Variants in RANBP2 observed in about 807,000 individuals in gnomAD.
The protein encoded by RANBP2 is RAN binding protein 2.
In RANBP2, 57 loss-of-function variants were observed where a neutral mutation model predicts 303.6. That is an observed-to-expected ratio of 0.19 (90% CI 0.15 to 0.23). The LOEUF is 0.23. Ranked by LOEUF, RANBP2 falls within the 10% of genes least tolerant of loss-of-function variation. RANBP2 has a pLI of 1.00. For missense variants in RANBP2, 3,138 were observed against 3,780.8 expected, an observed-to-expected ratio of 0.83 and a Z score of 4.46; for synonymous variants, 1,167 against 1,301.5, an observed-to-expected ratio of 0.90 and a Z score of 2.23.
the RANBP2 span, among the ~76,000 whole-genome samples, chr2:109,407,280 T>C: frequency 3.9e-4 from 59 of 152,236 alleles, no homozygotes; most frequent in African/African-American, 1.4e-3. Context: ...TTAAAATCAA[T>C]GGAAGGGGAA....
chr2:109,496,949 T>C, the RANBP2 span, among the ~76,000 whole-genome samples: 8 of 152,114 alleles, frequency 5.3e-5, no homozygotes, highest in Middle Eastern at 3.4e-3. Context: ...CACTCCCCTT[T>C]GAAGATGGAG....
At chr2:109,681,908 G>A in the RANBP2 span, among the ~76,000 whole-genome samples, 2 of 152,220 alleles carry the variant, frequency 1.3e-5, no homozygotes, top group Non-Finnish European at 2.9e-5. Flanking sequence ...GTAGAGAGGT[G>A]GCCTCTCTTC....
chr2:109,740,203 G>A, the RANBP2 span, among the ~76,000 whole-genome samples: 1 of 151,562 alleles, frequency 6.6e-6, no homozygotes, highest in Admixed American at 6.6e-5. Flanking sequence ...TGGCCAGGAT[G>A]GTCTCAATCT....
At chr2:109,305,386 C>T in the RANBP2 span, among the ~76,000 whole-genome samples, 7 of 152,028 alleles carry the variant, frequency 4.6e-5, no homozygotes, top group Admixed American at 1.3e-4. Context: ...ACAGGTGTCT[C>T]GGGGCAATCA....
the RANBP2 span, among the ~76,000 whole-genome samples, chr2:109,571,527 C>G: frequency 0.45 from 69,056 of 151,964 alleles, 16,131 homozygotes; most frequent in African/African-American, 0.55. Flanking sequence ...TAATACAATG[C>G]TAAGTATGTG....
the RANBP2 span, among the ~76,000 whole-genome samples, chr2:109,014,815 T>A: frequency 6.6e-6 from 1 of 152,146 alleles, no homozygotes; most frequent in East Asian, 1.9e-4. Context: ...CTCATTCTCC[T>A]CATCTACAAA....
the RANBP2 span, among the ~76,000 whole-genome samples, chr2:109,608,000 C>T: frequency 1.3e-5 from 2 of 152,144 alleles, no homozygotes; most frequent in African/African-American, 4.8e-5. Context: ...TTTCTGAAGC[C>T]GTGACTCATT....
chr2:108,990,943 T>C, the RANBP2 span, among the ~76,000 whole-genome samples: 1 of 152,252 alleles, frequency 6.6e-6, no homozygotes, highest in African/African-American at 2.4e-5. Context: ...CTTTCTGGTG[T>C]GCTCACAGTG....
the RANBP2 span, among the ~76,000 whole-genome samples, chr2:108,915,115 G>A: frequency 6.6e-6 from 1 of 152,190 alleles, no homozygotes; most frequent in African/African-American, 2.4e-5. Flanking sequence ...CGTTGGCCAG[G>A]CTGGTCTTGA....
chr2:109,290,565 G>C, the RANBP2 span, among the ~76,000 whole-genome samples: 1 of 152,110 alleles, frequency 6.6e-6, no homozygotes, highest in East Asian at 1.9e-4. Context: ...CCTTTGGCCC[G>C]CCCAATGCCT....
the RANBP2 span, among the ~76,000 whole-genome samples, chr2:108,996,149 T>C: frequency 6.6e-6 from 1 of 152,172 alleles, no homozygotes; most frequent in African/African-American, 2.4e-5. Flanking sequence ...AGATTCTGAT[T>C]TGGGAAGAGG....
the RANBP2 span, among the ~76,000 whole-genome samples, chr2:108,906,072 TC>T: frequency 1.3e-5 from 2 of 152,166 alleles, no homozygotes; most frequent in Non-Finnish European, 2.9e-5. Flanking sequence ...CCAGGCTGTC[TC>T]CCGCCCCATG....
At chr2:109,003,362 G>T in the RANBP2 span, among the ~76,000 whole-genome samples, 2 of 152,004 alleles carry the variant, frequency 1.3e-5, no homozygotes, top group African/African-American at 4.8e-5. Flanking sequence ...TTCCTGAAAG[G>T]ATGCATGAGT....
At chr2:108,864,781 G>C in the RANBP2 span, among the ~76,000 whole-genome samples, 4 of 134,598 alleles carry the variant, frequency 3.0e-5, no homozygotes, top group African/African-American at 1.1e-4. Flanking sequence ...GCGACAGAGC[G>C]AGACTCCATC....
chr2:108,918,917 G>A, the RANBP2 span, among the ~76,000 whole-genome samples: 1 of 152,326 alleles, frequency 6.6e-6, no homozygotes, highest in Admixed American at 6.5e-5. Context: ...GGCACTGGCT[G>A]TGTACCCCCA....
chr2:109,669,565 A>G, the RANBP2 span, among the ~76,000 whole-genome samples: 1 of 152,208 alleles, frequency 6.6e-6, no homozygotes, highest in Non-Finnish European at 1.5e-5. Context: ...ACATGGAACT[A>G]CTGGAACTCT....
the RANBP2 span, among the ~76,000 whole-genome samples, chr2:108,987,532 CA>C: frequency 6.6e-6 from 1 of 152,234 alleles, no homozygotes; most frequent in East Asian, 1.9e-4. Flanking sequence ...GTCCAGCTCA[CA>C]AAAGCAAGAA....
chr2:109,722,599 G>A, the RANBP2 span, among the ~76,000 whole-genome samples: 1 of 152,172 alleles, frequency 6.6e-6, no homozygotes, highest in Admixed American at 6.6e-5. Context: ...GTTAAGCCCA[G>A]CATCCATTAG....
chr2:109,078,131 A>AGCCT, the RANBP2 span, among the ~76,000 whole-genome samples: 1 of 91,174 alleles, frequency 1.1e-5, no homozygotes, highest in Admixed American at 1.3e-4. Context: ...GTGTATATAT[A>AGCCT]TATAGCGTGT....
Sources: allele counts gnomAD v4.1 joint callset (sites outside exome capture counted in the v4.1 genomes callset), GRCh38; gene constraint gnomAD v4.1.1; transcripts MANE v1.5; gene names NCBI Gene and HGNC (gene_info 2026-07-23, HGNC 2026-07-21).